RIMS1: variants seen among roughly 807,000 people sequenced by gnomAD.
RIMS1 encodes regulating synaptic membrane exocytosis 1.
In RIMS1, 83 loss-of-function variants were observed where a neutral mutation model predicts 214.1. The ratio of observed to expected loss-of-function variants is 0.39; its 90% CI spans 0.32 to 0.47. RIMS1 has a LOEUF of 0.47. Ranked by LOEUF, RIMS1 falls within the 20% of genes least tolerant of loss-of-function variation. The probability of loss-of-function intolerance (pLI) is 0.99; values close to 1 mark genes in which losing one functional copy is unlikely to be tolerated. For missense variants in RIMS1, 2,050 were observed against 2,161.8 expected (o/e 0.95, Z 1.03); for synonymous variants, 793 against 786.8 (o/e 1.01, Z -0.13).
chr6:72,380,413 CA>C lies in RIMS1; in HGVS notation c.4367-10183del, dbSNP rs547884598. 3.1e-4 allele frequency among the ~76,000 whole-genome samples: 47 copies of C among 152,110 alleles called. No homozygotes were observed. The East Asian group carries it at 8.9e-3, about 29-fold the overall frequency. Reference sequence around the variant, plus strand: ...AAGTATAATATATATGTATATGAAACAATGCAATAAAGCATTTGCTTCTTTC... The same window carrying C: ...AAGTATAATATATATGTATATGAAACATGCAATAAAGCATTTGCTTCTTTC... On this transcript the variant is annotated intron_variant, in intron 29 of 33. Coordinates refer to ENST00000521978, the MANE Select transcript of RIMS1 (RefSeq NM_014989.7).
chr6:72,179,566 T>C lies in RIMS1; in HGVS notation c.472-9T>C. The stretch of plus-strand genomic sequence containing the variant: ...TAAAAATTTATATTGTTCTTTCTTC[T>C]TCAAATAGGTTATGTGGGTATGCAA... On this transcript the variant is annotated splice_polypyrimidine_tract_variant and intron_variant, in intron 4 of 33. Transcript: ENST00000521978. 1 of 1,601,826 alleles carries C rather than the reference T, an allele frequency of 6.2e-7. No individual in the cohort carries two copies. Among genetic ancestry groups the C allele is most frequent in the Non-Finnish European group, 8.5e-7 (1 of 1,171,612 alleles).
At chr6:72,296,177 T>C (rs984006907) in intron 26 of RIMS1, among the ~76,000 whole-genome samples, 1 of 151,846 alleles carries the variant, frequency 6.6e-6, no homozygotes, top group Non-Finnish European at 1.5e-5. Context: ...TTAATGTTTT[T>C]TAAAAATTTT....
intron 4 of RIMS1, among the ~76,000 whole-genome samples, chr6:72,166,443 G>T (rs983670655): frequency 1.3e-5 from 2 of 152,050 alleles, no homozygotes; most frequent in South Asian, 4.2e-4. Context: ...TACAAATTTT[G>T]TAGGGATACT....
At chr6:72,036,521 C>T (rs546834724) in intron 2 of RIMS1, among the ~76,000 whole-genome samples, 10 of 152,222 alleles carry the variant, frequency 6.6e-5, no homozygotes, top group Non-Finnish European at 1.3e-4. Context: ...TATACCAAAG[C>T]CTACAAAGTA....
At chr6:72,225,480 G>A (rs1304831427) in intron 6 of RIMS1, among the ~76,000 whole-genome samples, 1 of 152,134 alleles carries the variant, frequency 6.6e-6, no homozygotes, top group Non-Finnish European at 1.5e-5. Context: ...AGTATTGCCT[G>A]GGTCTGGATA....
At chr6:71,968,137 T>C (rs746736742) in intron 1 of RIMS1, among the ~76,000 whole-genome samples, 2 of 152,252 alleles carry the variant, frequency 1.3e-5, no homozygotes, top group African/African-American at 4.8e-5. Context: ...CCTTCTCTAT[T>C]CAAAGCCATG....
rs933363235 is a variant in RIMS1 at position 72,162,548 on chromosome 6, G to A, written c.472-17027G>A. On this transcript the variant is annotated intron_variant, in intron 4 of 33. Coordinates refer to ENST00000521978, the MANE Select transcript of RIMS1 (RefSeq NM_014989.7). ...TACTGGTTGTTCCTTTCCGTGTTTAGTGCTTCCTTCAGGAGCTCTTGTAAG... is the reference window on the plus strand; with the variant it reads ...TACTGGTTGTTCCTTTCCGTGTTTAATGCTTCCTTCAGGAGCTCTTGTAAG... Among the ~76,000 whole-genome samples, 19 of 140,776 alleles carry A rather than the reference G, an allele frequency of 1.3e-4. 3 individuals carry two copies. The highest frequency in any genetic ancestry group is 4.7e-4 in the African/African-American group (19 of 40,694). The allele number at this position is 140,776 out of a possible 152,430, so 92.4% of individuals were successfully genotyped here. A position where few individuals can be genotyped will look rare whatever the true frequency, so the allele number is the denominator to read the frequency against.
intron 4 of RIMS1, among the ~76,000 whole-genome samples, chr6:72,165,619 T>TGAG (rs1474340533): frequency 6.6e-6 from 1 of 152,222 alleles, no homozygotes; most frequent in Non-Finnish European, 1.5e-5. Flanking sequence ...TTATGTCCTG[T>TGAG]TACCCACTGA....
At chr6:72,169,049 G>C (rs2046671767) in intron 4 of RIMS1, among the ~76,000 whole-genome samples, 1 of 152,128 alleles carries the variant, frequency 6.6e-6, no homozygotes, top group Non-Finnish European at 1.5e-5. Context: ...TGAGGCTCCT[G>C]TCTAACATTT....
intron 23 of RIMS1, among the ~76,000 whole-genome samples, chr6:72,282,323 C>G (rs2090501535): frequency 1.3e-5 from 2 of 152,096 alleles, no homozygotes; most frequent in African/African-American, 2.4e-5. Flanking sequence ...GCTTCAGGAA[C>G]AAGATTCCAT....
chr6:71,992,618 T>TTCTTCTTCTTCC (rs1802175115), intron 2 of RIMS1, among the ~76,000 whole-genome samples: 1 of 149,848 alleles, frequency 6.7e-6, no homozygotes, highest in Non-Finnish European at 1.5e-5. Flanking sequence ...CTCCTTCTTC[T>TTCTTCTTCTTCC]TCTTCTTCTT....
At chr6:72,313,184 G>A (rs1035808674) in intron 27 of RIMS1, among the ~76,000 whole-genome samples, 1 of 152,048 alleles carries the variant, frequency 6.6e-6, no homozygotes, top group Admixed American at 6.6e-5. Context: ...AAAAAGAGAA[G>A]CGTATGTACT....
chr6:72,400,120 C>G (rs561304392), intron 33 of RIMS1, among the ~76,000 whole-genome samples: 3 of 152,218 alleles, frequency 2.0e-5, no homozygotes, highest in Non-Finnish European at 4.4e-5. Context: ...CTAAATTGCA[C>G]AAATTTTAAT....
rs757931095 is a variant in RIMS1, at chr6:72,183,052, G to C, written c.1581G>C (p.Gln527His). 1 of 1,597,568 alleles carries C rather than the reference G, an allele frequency of 6.3e-7. No homozygotes were observed. Among genetic ancestry groups the C allele is most frequent in the Admixed American group, 1.7e-5 (1 of 57,438 alleles). Reference protein sequence around the residue: ...HRSKRGGKKRQMSVSSSEEEG... With the variant: ...HRSKRGGKKRHMSVSSSEEEG... The stretch of plus-strand genomic sequence containing the variant: ...CCAAGAGAGGCGGCAAGAAGCGGCA[G>C]ATGTCGGTGAGCAGCTCTGAGGAGG... Residue 527 changes from glutamine (Q) to histidine (H), a missense_variant, in exon 6 of 34, where the codon CAG becomes CAC. Physicochemically the swap from Gln to His is conservative, Grantham distance 24. Transcript: ENST00000521978.
At chr6:72,332,509 G>A (rs1337854733) in intron 28 of RIMS1, among the ~76,000 whole-genome samples, 3 of 132,768 alleles carry the variant, frequency 2.3e-5, no homozygotes, top group African/African-American at 8.4e-5. Flanking sequence ...CACAGGAAGG[G>A]GAACATCACA....
In RIMS1 at chr6:72,111,060, T is replaced by A. The variant is rs115184508; in HGVS notation, c.471+11074T>A. Among the ~76,000 whole-genome samples the A allele has an allele frequency of 2.7e-3, 418 of 152,318 alleles. 1 individual carries two copies. The highest frequency in any genetic ancestry group is 9.6e-3 in the African/African-American group (399 of 41,568). ...AAAAGCAAAGTAATTTTGATGAGTC[T>A]GTTTTGGATGTCTTTAATGTTTCCT... On this transcript the variant is annotated intron_variant, in intron 4 of 33. Coordinates refer to ENST00000521978, the MANE Select transcript of RIMS1 (RefSeq NM_014989.7).
At chr6:72,308,072 A>G (rs984079486) in intron 27 of RIMS1, among the ~76,000 whole-genome samples, 10 of 152,070 alleles carry the variant, frequency 6.6e-5, no homozygotes, top group African/African-American at 2.2e-4. Context: ...TTGATATTTG[A>G]CTATTGATAT....
At chr6:71,986,861 A>G (rs1157478544) in intron 2 of RIMS1, among the ~76,000 whole-genome samples, 3 of 152,250 alleles carry the variant, frequency 2.0e-5, no homozygotes, top group Non-Finnish European at 2.9e-5. Flanking sequence ...CTCAGTAAAA[A>G]TGTCCAATAG....
intron 2 of RIMS1, among the ~76,000 whole-genome samples, chr6:71,987,761 G>A (rs2151561368): frequency 6.6e-6 from 1 of 152,314 alleles, no homozygotes; most frequent in Admixed American, 6.5e-5. Flanking sequence ...TCAAGGGTTT[G>A]AAGTTGATTG....
Sources: gnomAD v4.1 joint callset for allele counts (sites outside exome capture counted in the v4.1 genomes callset) on GRCh38, gnomAD v4.1.1 for gene constraint, MANE v1.5 for transcripts, NCBI Gene and HGNC (gene_info 2026-07-23, HGNC 2026-07-21) for gene names.